Variants in AKAP9 observed in about 807,000 individuals in gnomAD.
AKAP9 encodes A-kinase anchor protein 9.
A neutral mutation model predicts 488.5 loss-of-function variants in AKAP9; 311 were observed. That is an observed-to-expected ratio of 0.64 (90% CI 0.58 to 0.70). AKAP9 has a LOEUF of 0.70. Ranked by LOEUF, AKAP9 falls within the 30% of genes least tolerant of loss-of-function variation. The pLI is 0.00. For missense variants in AKAP9, 4,215 were observed against 4,374.5 expected (o/e 0.96, Z 1.03); for synonymous variants, 1,462 against 1,483.5 (o/e 0.99, Z 0.33).
In AKAP9 at chr7:92,096,725, A is replaced by G. The variant is rs755045020; in HGVS notation, c.9766A>G (p.Asn3256Asp). The G allele has an allele frequency of 1.2e-6, 2 of 1,614,156 alleles. No individual in the cohort carries two copies. Among genetic ancestry groups the G allele is most frequent in the Admixed American group, 3.3e-5 (2 of 60,014 alleles). The stretch of plus-strand genomic sequence containing the variant: ...TTCACTTGAGAGTCAGAAACAAAGG[A>G]ATCTTCAGCTAAATCTACTTTTGGA... ...KFSLESQKQR[N>D]LQLNLLLEQQ... is the part of the protein sequence containing the mutation. Residue 3256 changes from asparagine to aspartate, a missense_variant, in exon 41 of 50, where the codon AAT becomes GAT. By Grantham distance (23) the Asn-to-Asp change is conservative. This residue lies in a region of AKAP9 where 1,476 missense variants were observed against 1,477.4 expected (regional missense o/e 1.00). Transcript: ENST00000356239.
intron 37 of AKAP9, 24 bp from the exon 38 acceptor site, chr7:92,089,361 G>GT (rs559728408): frequency 9.9e-6 from 16 of 1,610,702 alleles, no homozygotes; most frequent in Non-Finnish European, 1.4e-5. Context: ...CTCTTCACTT[G>GT]TTTTTTACCT....
rs1266789166 is a variant in AKAP9 at position 92,085,503 on chromosome 7, G to A, written c.8841G>A (p.Leu2947=). ...DSFPKKIKGL[L]RAVHNEGMQV... is the part of the protein sequence containing the mutation. Reference sequence around the variant, plus strand: ...TGGGTTTTGGTTTCCAGGGATTACTGAGAGCTGTCCATAATGAAGGCATGC... The same window carrying A: ...TGGGTTTTGGTTTCCAGGGATTACTAAGAGCTGTCCATAATGAAGGCATGC... The change falls in exon 36 of 50, where the codon CTG becomes CTA. Residue 2947 remains leucine, a synonymous_variant. Coordinates refer to ENST00000356239, the MANE Select transcript of AKAP9 (RefSeq NM_005751.5). 1 of 1,614,006 alleles carries A rather than the reference G, an allele frequency of 6.2e-7. No homozygotes were observed. The highest frequency in any genetic ancestry group is 1.1e-5 in the South Asian group (1 of 91,076).
Position 92,001,975 on chromosome 7 carries a change from C to T in AKAP9, c.2058C>T (p.Asp686=), listed in dbSNP as rs763751035. The change falls in exon 8 of 50, where the codon GAC becomes GAT. Residue 686 remains aspartate, a synonymous_variant. Coordinates refer to ENST00000356239, the MANE Select transcript of AKAP9 (RefSeq NM_005751.5). ...TAGAAACCATGCAGTTTGAAAAGGACAATTTGATAACTAAGCAGAATCAAT... is the reference window on the plus strand; with the variant it reads ...TAGAAACCATGCAGTTTGAAAAGGATAATTTGATAACTAAGCAGAATCAAT... The part of the protein sequence containing the change: ...QKIETMQFEK[D]NLITKQNQLI... 6.8e-6 allele frequency: 11 copies of T among 1,612,744 alleles called. No individual in the cohort carries two copies. The highest frequency in any genetic ancestry group is 8.5e-6 in the Non-Finnish European group (10 of 1,179,552).
At chr7:92,109,050 A>T in intron 49 of AKAP9, 7 of 63,342 alleles carry the variant, frequency 1.1e-4, no homozygotes, top group East Asian at 2.4e-4. Flanking sequence ...TGTCTCAAAG[A>T]AAAAAAAAAA....
chr7:92,010,681 A>G (rs946939873), intron 8 of AKAP9, among the ~76,000 whole-genome samples: 2 of 151,938 alleles, frequency 1.3e-5, no homozygotes, highest in African/African-American at 2.4e-5. Flanking sequence ...TTTAGAGACA[A>G]GTTTTTACTC....
Position 92,001,720 on chromosome 7 carries a change from A to T in AKAP9, c.1803A>T (p.Glu601Asp). Residue 601 changes from glutamate (E) to aspartate (D), a missense_variant, in exon 8 of 50, where the codon GAA (glutamate) becomes GAT (aspartate). By Grantham distance (45) the Glu-to-Asp change is conservative. This residue lies in a region of AKAP9 where 2,361 missense variants were observed against 2,430.0 expected (regional missense o/e 0.97). Transcript: ENST00000356239. Reference sequence around the variant, plus strand: ...TTACAAATTACAAGATAAAACTTGAAATGTTAGAAAAAGAAAAGAATGCTG... The same window carrying T: ...TTACAAATTACAAGATAAAACTTGATATGTTAGAAAAAGAAAAGAATGCTG... Reference protein sequence around the residue: ...AEVTNYKIKLEMLEKEKNAVL... With the variant: ...AEVTNYKIKLDMLEKEKNAVL... 1.2e-6 allele frequency: 2 copies of T among 1,612,706 alleles called. No individual in the cohort carries two copies. The highest frequency in any genetic ancestry group is 1.7e-6 in the Non-Finnish European group (2 of 1,179,674).
intron 7 of AKAP9, among the ~76,000 whole-genome samples, chr7:92,000,128 C>G (rs1798967700): frequency 6.6e-6 from 1 of 152,184 alleles, no homozygotes; most frequent in South Asian, 2.1e-4. Flanking sequence ...TGGGCGTAGC[C>G]CTATCTCCAT....
intron 47 of AKAP9, among the ~76,000 whole-genome samples, chr7:92,106,351 T>G (rs1255183008): frequency 6.8e-6 from 1 of 147,220 alleles, no homozygotes; most frequent in African/African-American, 2.5e-5. Flanking sequence ...AGTACAGTTT[T>G]ACTACTCTCA....
intron 3 of AKAP9, among the ~76,000 whole-genome samples, chr7:91,988,365 G>GAGGCTGA: frequency 7.4e-6 from 1 of 135,220 alleles, no homozygotes; most frequent in Non-Finnish European, 1.5e-5. Flanking sequence ...AGCTGCTCAA[G>GAGGCTGA]AGGCTGAAGT....
In AKAP9 at chr7:92,016,216, A is replaced by G. The variant is rs764992335; in HGVS notation, c.3700A>G (p.Ile1234Val). Reference protein sequence around the residue: ...AEDKENSGDYISENEDPELQD... With the variant: ...AEDKENSGDYVSENEDPELQD... ...AGACAAAGAGAATTCTGGTGATTACATTTCTGAAAATGAAGATCCAGAATT... is the reference window on the plus strand; with the variant it reads ...AGACAAAGAGAATTCTGGTGATTACGTTTCTGAAAATGAAGATCCAGAATT... Residue 1234 changes from isoleucine (I) to valine (V), a missense_variant, in exon 11 of 50, where the codon ATT becomes GTT. By Grantham distance (29) the Ile-to-Val change is conservative. Around this residue, in one of 5 missense-constraint regions of AKAP9, gnomAD observed 2,361 missense variants for 2,430.0 expected, o/e 0.97. Coordinates refer to ENST00000356239, the MANE Select transcript of AKAP9 (RefSeq NM_005751.5). The G allele has an allele frequency of 6.3e-7, 1 of 1,578,624 alleles. No homozygotes were observed. Among genetic ancestry groups the G allele is most frequent in the Non-Finnish European group, 8.7e-7 (1 of 1,149,760 alleles).
intron 22 of AKAP9, among the ~76,000 whole-genome samples, chr7:92,054,195 T>G (rs559662427): frequency 4.3e-4 from 65 of 152,192 alleles, no homozygotes; most frequent in Non-Finnish European, 2.2e-4. Flanking sequence ...TCTCATTGAT[T>G]AATAACTAAA....
chr7:92,020,290 C>A (rs1331718359), intron 12 of AKAP9, among the ~76,000 whole-genome samples: 1 of 152,134 alleles, frequency 6.6e-6, no homozygotes, highest in East Asian at 1.9e-4. Context: ...GCACCCTGAT[C>A]TTTGGCACCC....
intron 3 of AKAP9, among the ~76,000 whole-genome samples, chr7:91,983,564 C>A (rs1796699982): frequency 6.6e-6 from 1 of 152,152 alleles, no homozygotes. Flanking sequence ...TGGGTATATA[C>A]CCAGTAATGG....
At chr7:92,038,136 G>A (rs1016747580) in intron 16 of AKAP9, among the ~76,000 whole-genome samples, 12 of 151,932 alleles carry the variant, frequency 7.9e-5, no homozygotes, top group Admixed American at 2.6e-4. Flanking sequence ...GAAATATAAG[G>A]GCTTTTATTT....
At position 92,062,447 on chromosome 7, in the gene AKAP9, A is replaced by C; in HGVS notation, c.5938A>C (p.Lys1980Gln). 6.2e-7 allele frequency: 1 copy of C among 1,613,744 alleles called. No individual in the cohort carries two copies. The highest frequency in any genetic ancestry group is 2.2e-5 in the East Asian group (1 of 44,848). Residue 1980 changes from lysine (K) to glutamine (Q), a missense_variant, in exon 24 of 50, where the codon AAG becomes CAG. Lys to Gln is a moderately conservative substitution (Grantham distance 53). This residue lies in a region of AKAP9 where 2,361 missense variants were observed against 2,430.0 expected (regional missense o/e 0.97). Transcript: ENST00000356239. ...QEERELLSRQ[K>Q]EAMKAEAGPV... ...AGAAAGAGAATTACTGTCCAGACAA[A>C]AGGAAGCTATGAAAGCAGAGGCAGG...
At position 92,003,231 on chromosome 7, in the gene AKAP9, A is replaced by G; in HGVS notation, c.3314A>G (p.Glu1105Gly). The G allele has an allele frequency of 1.3e-6, 2 of 1,586,644 alleles. No individual in the cohort carries two copies. Among genetic ancestry groups the G allele is most frequent in the South Asian group, 2.2e-5 (2 of 89,892 alleles). ...AAAGAACTCAATGTACTTAAATCAG[A>G]ACAGGTATGTTTACTTCTTCATATA... Reference protein sequence around the residue: ...LQKELNVLKSEQNDLRLQMEA... With the variant: ...LQKELNVLKSGQNDLRLQMEA... The change falls in exon 8 of 50, where the codon GAA becomes GGA. Residue 1105 changes from glutamate to glycine, a missense_variant. This residue lies in a region of AKAP9 where 2,361 missense variants were observed against 2,430.0 expected (regional missense o/e 0.97). Coordinates refer to ENST00000356239, the MANE Select transcript of AKAP9 (RefSeq NM_005751.5).
intron 16 of AKAP9, among the ~76,000 whole-genome samples, chr7:92,034,502 T>A (rs188284146): frequency 0.3 from 28,110 of 95,112 alleles, 3,159 homozygotes; most frequent in African/African-American, 0.32. Flanking sequence ...ATATATATTT[T>A]TTTTTTTTTT....
chr7:92,023,367 C>T (rs1344992910), intron 14 of AKAP9, among the ~76,000 whole-genome samples: 1 of 152,204 alleles, frequency 6.6e-6, no homozygotes, highest in Non-Finnish European at 1.5e-5. Flanking sequence ...AAGGTAGGAT[C>T]ATTCCAGTCA....
Position 92,084,888 on chromosome 7 carries a change from G to T in AKAP9, c.8780G>T (p.Gly2927Val). 6.2e-7 allele frequency: 1 copy of T among 1,613,462 alleles called. No homozygotes were observed. The highest frequency in any genetic ancestry group is 8.5e-7 in the Non-Finnish European group (1 of 1,179,684). Residue 2927 changes from glycine (G) to valine (V), a missense_variant, in exon 35 of 50, where the codon GGC becomes GTC. Transcript: ENST00000356239. ...CAGGGATTTGACATAGCATCAGAAG[G>T]CCGAGGAGAAGAAAGTGAAAGTGCA... ...HSQGFDIASE[G>V]RGEESESATD...
Sources: gnomAD v4.1 joint callset for allele counts (sites outside exome capture counted in the v4.1 genomes callset) on GRCh38, gnomAD v4.1.1 for gene constraint, gnomAD v4.1.1 regional missense constraint, MANE v1.5 for transcripts, NCBI Gene and HGNC (gene_info 2026-07-23, HGNC 2026-07-21) for gene names.